TENT5D: variants seen among roughly 807,000 people sequenced by gnomAD.
TENT5D encodes the protein terminal nucleotidyltransferase 5D.
For synonymous variants in TENT5D, 103 were observed against 100.6 expected (o/e 1.02, Z -0.15); for missense variants, 191 against 287.0 (o/e 0.67, Z 2.42).
At chrX:80,388,326 C>A (rs1292689348) in intron 3 of TENT5D, among the ~76,000 whole-genome samples, 1 of 111,557 alleles carries the variant, frequency 9.0e-6, no homozygotes, top group Non-Finnish European at 1.9e-5. Flanking sequence ...ATAGACACCA[C>A]AGCTAGGAAT....
intron 1 of TENT5D, among the ~76,000 whole-genome samples, chrX:80,433,735 C>A (rs1340490927): frequency 9.0e-6 from 1 of 111,587 alleles, no homozygotes; most frequent in African/African-American, 3.3e-5. Context: ...TAGTATGGTT[C>A]CACCTACATA....
At chrX:80,413,584 C>T (rs1931714466) in intron 3 of TENT5D, among the ~76,000 whole-genome samples, 1 of 111,704 alleles carries the variant, frequency 9.0e-6, no homozygotes, top group African/African-American at 3.3e-5. Context: ...GTGAATAAGT[C>T]TCCCAAGATC....
intron 3 of TENT5D, among the ~76,000 whole-genome samples, chrX:80,357,179 G>A (rs1255807389): frequency 1.8e-5 from 2 of 111,862 alleles, no homozygotes; most frequent in Non-Finnish European, 3.8e-5. Flanking sequence ...CATTTGGGTT[G>A]GTTCCAAATC....
At chrX:80,353,955 T>C (rs187498233) in intron 3 of TENT5D, among the ~76,000 whole-genome samples, 3 of 111,812 alleles carry the variant, frequency 2.7e-5, no homozygotes, top group African/African-American at 9.8e-5. Context: ...TATTATTATT[T>C]TTTTTTACTT....
At chrX:80,399,230 G>A (rs1044470625) in intron 3 of TENT5D, among the ~76,000 whole-genome samples, 6 of 111,804 alleles carry the variant, frequency 5.4e-5, no homozygotes, top group African/African-American at 1.9e-4. Context: ...TCTACTAGTT[G>A]TCTTATAGTT....
intron 3 of TENT5D, among the ~76,000 whole-genome samples, chrX:80,388,335 A>G (rs1389974583): frequency 9.0e-6 from 1 of 111,585 alleles, no homozygotes; most frequent in African/African-American, 3.3e-5. Context: ...ACAGCTAGGA[A>G]TATGCTGGGT....
intron 3 of TENT5D, among the ~76,000 whole-genome samples, chrX:80,399,162 G>A (rs763662323): frequency 9.9e-5 from 11 of 111,589 alleles, no homozygotes; most frequent in Non-Finnish European, 1.7e-4. Context: ...GAGCTTTGGG[G>A]ATCAAATGTA....
intron 2 of TENT5D, among the ~76,000 whole-genome samples, chrX:80,339,502 A>G (rs1413879050): frequency 9.0e-6 from 1 of 111,314 alleles, no homozygotes. Flanking sequence ...AGAACTCTTC[A>G]AGTGACAAGT....
chrX:80,443,893 A>G (rs1328404868), exon 3 of TENT5D: 1 of 391,115 alleles, frequency 2.6e-6, no homozygotes, highest in Non-Finnish European at 4.4e-6. Flanking sequence ...TAAATACAAT[A>G]TCTATAAACC....
At chrX:80,365,108 G>T (rs1405342552) in intron 3 of TENT5D, among the ~76,000 whole-genome samples, 1 of 110,747 alleles carries the variant, frequency 9.0e-6, no homozygotes, top group East Asian at 2.8e-4. Context: ...CTCTGGTAAT[G>T]ACAAGGGTTG....
At position 80,368,130 on chromosome X, in the gene TENT5D, A is replaced by G. The variant is rs189187949; in HGVS notation, c.-142+25566A>G. ...AAATATATACACTATGTACCCATAA[A>G]ATAAAAATAATTTTAAAATTACCCA... On this transcript the variant is annotated intron_variant, in intron 3 of 4. Transcript: ENST00000538312. 4.9e-4 allele frequency among the ~76,000 whole-genome samples: 55 copies of G among 111,969 alleles called. No homozygotes were observed. The East Asian group carries it at 0.015, about 30-fold the overall frequency.
At chrX:80,355,130 G>T (rs997850767) in intron 3 of TENT5D, among the ~76,000 whole-genome samples, 3 of 111,864 alleles carry the variant, frequency 2.7e-5, no homozygotes, top group Non-Finnish European at 3.8e-5. Flanking sequence ...ACTCCAAAAG[G>T]GGCTGCTGGC....
At chrX:80,339,561 A>G (rs985557493) in intron 2 of TENT5D, among the ~76,000 whole-genome samples, 3 of 110,728 alleles carry the variant, frequency 2.7e-5, no homozygotes, top group Admixed American at 1.9e-4. Flanking sequence ...AGAGAAGCAA[A>G]TAGATGATAT....
intron 3 of TENT5D, among the ~76,000 whole-genome samples, chrX:80,390,114 A>G (rs996320068): frequency 1.8e-4 from 20 of 111,652 alleles, no homozygotes; most frequent in African/African-American, 6.2e-4. Flanking sequence ...GATAGCCATG[A>G]ATGAAGATAA....
intron 3 of TENT5D, among the ~76,000 whole-genome samples, chrX:80,407,479 C>T (rs1480870456): frequency 9.2e-6 from 1 of 108,418 alleles, no homozygotes; most frequent in Non-Finnish European, 1.9e-5. Context: ...GACTTTAAAC[C>T]AACAAAAATC....
intron 3 of TENT5D, among the ~76,000 whole-genome samples, chrX:80,415,223 A>C (rs1931745491): frequency 8.9e-6 from 1 of 111,842 alleles, no homozygotes; most frequent in Non-Finnish European, 1.9e-5. Flanking sequence ...GGTATAGAAT[A>C]ATATAATCAA....
At chrX:80,366,208 A>AGTGTGTGTGT (rs3087109) in intron 3 of TENT5D, among the ~76,000 whole-genome samples, 11,337 of 98,316 alleles carry the variant, frequency 0.12, 790 homozygotes, top group East Asian at 0.4. Context: ...GAAGACAGGG[A>AGTGTGTGTGT]GTGTGTGTGT....
At chrX:80,337,797 T>C (rs903238630) in intron 2 of TENT5D, among the ~76,000 whole-genome samples, 1 of 110,974 alleles carries the variant, frequency 9.0e-6, no homozygotes, top group Admixed American at 9.6e-5. Flanking sequence ...AGTTGGAGTC[T>C]CGCTCTGTTG....
chrX:80,348,621 T>C (rs976235073), intron 3 of TENT5D, among the ~76,000 whole-genome samples: 1 of 111,738 alleles, frequency 8.9e-6, no homozygotes, highest in African/African-American at 3.3e-5. Flanking sequence ...ACAATTTGAC[T>C]TCCCCTCTTC....
Sources: allele counts gnomAD v4.1 joint callset (sites outside exome capture counted in the v4.1 genomes callset), GRCh38; gene constraint gnomAD v4.1.1; transcripts MANE v1.5; gene names NCBI Gene and HGNC (gene_info 2026-07-23, HGNC 2026-07-21).